Variants in HAUS6 observed in about 807,000 individuals in gnomAD.
HAUS6 encodes HAUS augmin-like complex subunit 6.
HAUS6 carries 80 observed loss-of-function variants against 106.8 expected under a neutral mutation model. The ratio of observed to expected loss-of-function variants is 0.75; its 90% CI spans 0.63 to 0.90. HAUS6 has a LOEUF of 0.90. Ranked by LOEUF, HAUS6 falls within the 40% of genes least tolerant of loss-of-function variation. The pLI, the probability that HAUS6 is intolerant of heterozygous loss-of-function variation, is 0.00. For synonymous variants in HAUS6, 356 were observed against 379.1 expected (o/e 0.94, Z 0.71); for missense variants, 1,155 against 1,118.1 (o/e 1.03, Z -0.47).
intron 4 of HAUS6, among the ~76,000 whole-genome samples, chr9:19,092,618 GAAAAAAA>G (rs754952207): frequency 1.8e-5 from 1 of 55,008 alleles, no homozygotes. Context: ...CTCCGTCTCG[GAAAAAAA>G]AAAAAAAAAA....
intron 2 of HAUS6, 114 bp downstream of exon 2, chr9:19,096,560 G>A (rs553145776): frequency 3.9e-5 from 18 of 465,660 alleles, no homozygotes; most frequent in African/African-American, 1.7e-4. Context: ...GTGAGACTCC[G>A]TCTCAAAAAA....
chr9:19,082,544 C>G (rs199858136), intron 8 of HAUS6, among the ~76,000 whole-genome samples: 22 of 152,032 alleles, frequency 1.4e-4, no homozygotes, highest in Non-Finnish European at 1.5e-5. Flanking sequence ...AGGTCAGGAG[C>G]TCGAGACCAG....
chr9:19,062,308 A>C (rs902784080), intron 14 of HAUS6, among the ~76,000 whole-genome samples: 1 of 152,096 alleles, frequency 6.6e-6, no homozygotes, highest in Admixed American at 6.5e-5. Flanking sequence ...CTAATATTCA[A>C]AAAAAAGAGG....
intron 12 of HAUS6, among the ~76,000 whole-genome samples, chr9:19,067,828 G>C (rs891483369): frequency 1.3e-5 from 2 of 152,058 alleles, no homozygotes; most frequent in African/African-American, 4.8e-5. Context: ...AAGTAGTTGG[G>C]ATTATAAGCA....
At chr9:19,081,740 G>A (rs1454609221) in intron 8 of HAUS6, among the ~76,000 whole-genome samples, 1 of 152,028 alleles carries the variant, frequency 6.6e-6, no homozygotes, top group Non-Finnish European at 1.5e-5. Flanking sequence ...TACCCAGACA[G>A]TTTCCAATAC....
intron 1 of HAUS6, among the ~76,000 whole-genome samples, chr9:19,098,787 C>G (rs2131159236): frequency 6.6e-6 from 1 of 152,118 alleles, no homozygotes; most frequent in African/African-American, 2.4e-5. Flanking sequence ...CTCTGGGAGG[C>G]CGAGGCAGGT....
At chr9:19,061,422 A>G (rs1836616232) in intron 14 of HAUS6, among the ~76,000 whole-genome samples, 1 of 152,218 alleles carries the variant, frequency 6.6e-6, no homozygotes, top group Admixed American at 6.5e-5. Context: ...TTAGGAAAGT[A>G]AAAAATACTA....
intron 1 of HAUS6, among the ~76,000 whole-genome samples, chr9:19,100,063 C>A (rs2131161215): frequency 6.6e-6 from 1 of 152,316 alleles, no homozygotes; most frequent in South Asian, 2.1e-4. Flanking sequence ...GGCGTGGTGG[C>A]AGGCGCCTGT....
Position 19,082,949 on chromosome 9 carries a change from T to C in HAUS6, c.794A>G (p.Tyr265Cys). Reference sequence around the variant, plus strand: ...AGCAACATTAGTTCCATCTAAAGCATATTGGTTAACAAGACTAAGGACCGA... The same window carrying C: ...AGCAACATTAGTTCCATCTAAAGCACATTGGTTAACAAGACTAAGGACCGA... ...VSSVLSLVNQ[Y>C]ALDGTNVAIN... The change falls in exon 8 of 17, where the codon TAT (tyrosine) becomes TGT (cysteine). Residue 265 changes from tyrosine (Y) to cysteine (C), a missense_variant. This residue lies in a region of HAUS6 where 761 missense variants were observed against 690.0 expected (regional missense o/e 1.10). Transcript: ENST00000380502. 7 of 1,557,128 alleles carry C rather than the reference T, an allele frequency of 4.5e-6. No homozygotes were observed. Among genetic ancestry groups the C allele is most frequent in the Non-Finnish European group, 6.1e-6 (7 of 1,138,434 alleles).
chr9:19,053,348 G>A lies in HAUS6; in HGVS notation c.*2995C>T, dbSNP rs1004037791. 2.0e-5 allele frequency: 3 copies of A among 152,118 alleles called. No individual in the cohort carries two copies. Among genetic ancestry groups the A allele is most frequent in the Non-Finnish European group, 2.9e-5 (2 of 67,988 alleles). The allele number at this position is 152,118 out of a possible 1,614,324, so 9.4% of individuals were successfully genotyped here. On this transcript the variant is annotated 3_prime_UTR_variant, in exon 17 of 17. Transcript: ENST00000380502. Reference sequence around the variant, plus strand: ...TACATTGAGGAAAACGTCATTAAACGTATTTTAATTTTAGTACTCTCACAG... The same window carrying A: ...TACATTGAGGAAAACGTCATTAAACATATTTTAATTTTAGTACTCTCACAG...
intron 8 of HAUS6, among the ~76,000 whole-genome samples, chr9:19,081,049 G>A (rs1446695408): frequency 6.6e-6 from 1 of 151,818 alleles, no homozygotes; most frequent in African/African-American, 2.4e-5. Context: ...TCCAGCCTGG[G>A]CAATAAGAGT....
At chr9:19,081,730 T>C (rs10963945) in intron 8 of HAUS6, among the ~76,000 whole-genome samples, 7,412 of 152,118 alleles carry the variant, frequency 0.049, 214 homozygotes, top group Middle Eastern at 0.092. Flanking sequence ...TGAGCCACCA[T>C]ACCCAGACAG....
At chr9:19,102,293 C>A (rs1354462962) in intron 1 of HAUS6, among the ~76,000 whole-genome samples, 1 of 152,210 alleles carries the variant, frequency 6.6e-6, no homozygotes, top group Non-Finnish European at 1.5e-5. Context: ...TCCCCATCTG[C>A]AGACTTTTGC....
At chr9:19,061,818 G>A (rs894096802) in intron 14 of HAUS6, among the ~76,000 whole-genome samples, 1 of 152,118 alleles carries the variant, frequency 6.6e-6, no homozygotes, top group South Asian at 2.1e-4. Context: ...TTGGGTGACA[G>A]AACAAGACCC....
At chr9:19,090,549 A>G (rs917420727) in intron 4 of HAUS6, among the ~76,000 whole-genome samples, 1 of 152,124 alleles carries the variant, frequency 6.6e-6, no homozygotes, top group Non-Finnish European at 1.5e-5. Context: ...TAATTTTAGT[A>G]GAGACGGGTT....
At chr9:19,102,496 C>T in intron 1 of HAUS6, 28 bp downstream of exon 1, 1 of 1,608,906 alleles carries the variant, frequency 6.2e-7, no homozygotes. Flanking sequence ...TTCAGGCTCC[C>T]TCGCCCCGCC....
At position 19,058,054 on chromosome 9, in the gene HAUS6, G is replaced by A. The variant is rs761183330; in HGVS notation, c.2713C>T (p.Arg905Trp). ...AACTTAATTAGTGGTGAAAGAGACC[G>A]TTTTCTTTCACCGATGGACGTGCGT... is the stretch of plus-strand genomic sequence containing the variant. ...SLRTSIGERK[R>W]SLSPLIKFSP... The change falls in exon 16 of 17, where the codon CGG becomes TGG. Residue 905 changes from arginine to tryptophan, a missense_variant. Around this residue, in one of 3 missense-constraint regions of HAUS6, gnomAD observed 380 missense variants for 394.8 expected, o/e 0.96. Coordinates refer to ENST00000380502, the MANE Select transcript of HAUS6 (RefSeq NM_017645.5). The A allele has an allele frequency of 2.0e-5, 33 of 1,612,810 alleles. No homozygotes were observed. The Admixed American group carries it at 3.3e-4, about 16-fold the overall frequency.
intron 8 of HAUS6, among the ~76,000 whole-genome samples, chr9:19,081,224 T>C (rs151173862): frequency 6.6e-6 from 1 of 152,120 alleles, no homozygotes; most frequent in East Asian, 1.9e-4. Flanking sequence ...ACACAAAAGG[T>C]TGAAAACTAG....
At chr9:19,064,202 G>C (rs1449529546) in intron 12 of HAUS6, among the ~76,000 whole-genome samples, 6 of 152,092 alleles carry the variant, frequency 3.9e-5, no homozygotes, top group African/African-American at 1.4e-4. Flanking sequence ...CCCGACCTCA[G>C]GTGATCCGCC....
Sources: allele counts gnomAD v4.1 joint callset (sites outside exome capture counted in the v4.1 genomes callset), GRCh38; gene constraint gnomAD v4.1.1; regional missense constraint gnomAD v4.1.1; transcripts MANE v1.5; gene names NCBI Gene and HGNC (gene_info 2026-07-23, HGNC 2026-07-21).